The following GRID2 variants were observed in gnomAD, a reference collection of about 807,000 sequenced individuals.
The protein encoded by GRID2 is glutamate receptor ionotropic, delta-2.
In GRID2, 33 loss-of-function variants were observed where a neutral mutation model predicts 114.8. The observed-to-expected ratio is 0.29, with a 90% CI of 0.22 to 0.38. The LOEUF (loss-of-function observed/expected upper bound fraction) is 0.38. GRID2 is among the 10% of genes least tolerant of loss of function. The probability of loss-of-function intolerance (pLI) is 1.00; values close to 1 mark genes in which losing one functional copy is unlikely to be tolerated. For synonymous variants in GRID2, 505 were observed against 449.9 expected (o/e 1.12, Z -1.55); for missense variants, 1,184 against 1,257.7 (o/e 0.94, Z 0.89).
intron 1 of GRID2, among the ~76,000 whole-genome samples, chr4:92,366,104 A>G (rs555684212): frequency 6.6e-6 from 1 of 152,120 alleles, no homozygotes; most frequent in East Asian, 1.9e-4. Flanking sequence ...ATATTACCTT[A>G]TTTTAAAACT....
chr4:92,679,184 C>T (rs986576476), intron 2 of GRID2, among the ~76,000 whole-genome samples: 1 of 151,952 alleles, frequency 6.6e-6, no homozygotes, highest in Non-Finnish European at 1.5e-5. Flanking sequence ...AAATTAAAAT[C>T]GTTGTACTGA....
At chr4:93,109,789 G>A (rs1312842226) in intron 3 of GRID2, among the ~76,000 whole-genome samples, 1 of 152,040 alleles carries the variant, frequency 6.6e-6, no homozygotes, top group Non-Finnish European at 1.5e-5. Flanking sequence ...CTTGTATTGT[G>A]CCAGATACTT....
At chr4:93,133,178 A>G (rs560109186) in intron 4 of GRID2, among the ~76,000 whole-genome samples, 2 of 152,034 alleles carry the variant, frequency 1.3e-5, no homozygotes, top group South Asian at 2.1e-4. Context: ...TCTCTCTCAG[A>G]TTTTTATATT....
At chr4:93,341,480 G>A (rs1214812434) in intron 8 of GRID2, among the ~76,000 whole-genome samples, 1 of 152,010 alleles carries the variant, frequency 6.6e-6, no homozygotes, top group Admixed American at 6.6e-5. Context: ...CCGCCACCAC[G>A]CCCGGCTCAT....
chr4:93,489,940 A>G (rs1319436422), intron 11 of GRID2, among the ~76,000 whole-genome samples: 1 of 151,928 alleles, frequency 6.6e-6, no homozygotes, highest in East Asian at 1.9e-4. Flanking sequence ...GGGGCTAGAA[A>G]TGTAAATTCT....
At chr4:93,050,520 G>A (rs907807232) in intron 2 of GRID2, among the ~76,000 whole-genome samples, 10 of 130,710 alleles carry the variant, frequency 7.7e-5, no homozygotes, top group African/African-American at 3.1e-4. Context: ...GTGTGTGTGT[G>A]TGTGTGTGTG....
intron 4 of GRID2, among the ~76,000 whole-genome samples, chr4:93,196,557 C>G (rs537998220): frequency 2.0e-5 from 3 of 152,160 alleles, no homozygotes; most frequent in South Asian, 4.1e-4. Context: ...AAATATTGAA[C>G]TAGGACTGTT....
At chr4:92,360,283 C>T (rs921524207) in intron 1 of GRID2, among the ~76,000 whole-genome samples, 2 of 151,920 alleles carry the variant, frequency 1.3e-5, no homozygotes, top group African/African-American at 2.4e-5. Flanking sequence ...CCCTACCTCT[C>T]TCTTTTCTGC....
chr4:92,317,783 A>AAAG (rs992051705), intron 1 of GRID2, among the ~76,000 whole-genome samples: 2 of 152,182 alleles, frequency 1.3e-5, no homozygotes, highest in Admixed American at 1.3e-4. Flanking sequence ...TTGGGCCACC[A>AAAG]AAGAAGAATA....
intron 14 of GRID2, among the ~76,000 whole-genome samples, chr4:93,658,946 GT>G (rs2149734054): frequency 6.6e-6 from 1 of 152,252 alleles, no homozygotes; most frequent in Non-Finnish European, 1.5e-5. Flanking sequence ...CAGAGGATAA[GT>G]TTTTCTCCAC....
intron 1 of GRID2, among the ~76,000 whole-genome samples, chr4:92,485,561 G>A (rs1460448895): frequency 4.6e-5 from 7 of 151,146 alleles, no homozygotes; most frequent in African/African-American, 9.7e-5. Flanking sequence ...ATGGTGTCAC[G>A]TGCCTGTTGT....
chr4:92,442,829 C>T (rs1733187220), intron 1 of GRID2, among the ~76,000 whole-genome samples: 1 of 152,112 alleles, frequency 6.6e-6, no homozygotes, highest in Non-Finnish European at 1.5e-5. Flanking sequence ...GAGCATTAAC[C>T]TTGACTATGC....
At chr4:93,225,980 C>T (rs1238941056) in intron 7 of GRID2, among the ~76,000 whole-genome samples, 1 of 152,134 alleles carries the variant, frequency 6.6e-6, no homozygotes, top group African/African-American at 2.4e-5. Flanking sequence ...GATAACTAAT[C>T]CACTCCCATT....
At chr4:92,866,762 A>T (rs769269139) in intron 2 of GRID2, among the ~76,000 whole-genome samples, 8 of 151,424 alleles carry the variant, frequency 5.3e-5, no homozygotes, top group Non-Finnish European at 2.9e-5. Flanking sequence ...CGTGTTAGCC[A>T]GGATGGTCTC....
intron 2 of GRID2, among the ~76,000 whole-genome samples, chr4:92,919,444 AG>A (rs1272484136): frequency 3.3e-5 from 5 of 152,068 alleles, no homozygotes; most frequent in Non-Finnish European, 4.4e-5. Flanking sequence ...TTGTGATGTT[AG>A]GGTGTCAATT....
At chr4:93,518,064 A>T in intron 13 of GRID2, among the ~76,000 whole-genome samples, 1 of 125,162 alleles carries the variant, frequency 8.0e-6, no homozygotes, top group Non-Finnish European at 1.6e-5. Context: ...ATATGTATAT[A>T]GTATATACAT....
At chr4:93,691,095 A>T (rs2110114701) in intron 14 of GRID2, among the ~76,000 whole-genome samples, 1 of 151,710 alleles carries the variant, frequency 6.6e-6, no homozygotes, top group East Asian at 1.9e-4. Context: ...ATAGCTTTTA[A>T]TATCAGGTTA....
At chr4:93,186,559 T>C (rs1034564532) in intron 4 of GRID2, among the ~76,000 whole-genome samples, 2 of 152,254 alleles carry the variant, frequency 1.3e-5, no homozygotes, top group Non-Finnish European at 2.9e-5. Context: ...TACATCTCCC[T>C]ACATGCTCTT....
At chr4:93,145,351 A>G (rs1413292769) in intron 4 of GRID2, among the ~76,000 whole-genome samples, 9 of 152,154 alleles carry the variant, frequency 5.9e-5, no homozygotes. Context: ...TTTTTTGACT[A>G]GATAAATGAA....
Sources: gnomAD v4.1 joint callset for allele counts (sites outside exome capture counted in the v4.1 genomes callset) on GRCh38, gnomAD v4.1.1 for gene constraint, MANE v1.5 for transcripts, NCBI Gene and HGNC (gene_info 2026-07-23, HGNC 2026-07-21) for gene names.